The following ARHGEF7 variants were observed in gnomAD, a reference collection of about 807,000 sequenced individuals.
The protein encoded by ARHGEF7 is PAK-interacting exchange factor beta.
Under a neutral mutation model 109.8 loss-of-function variants are expected in ARHGEF7, and 33 were observed. The ratio of observed to expected loss-of-function variants is 0.30; its 90% CI spans 0.23 to 0.40. The LOEUF (loss-of-function observed/expected upper bound fraction) is 0.40, where lower values mean the gene tolerates loss of function less well. Ranked by LOEUF, ARHGEF7 falls within the 10% of genes least tolerant of loss-of-function variation. ARHGEF7 has a pLI of 1.00. For synonymous variants in ARHGEF7, 458 were observed against 424.6 expected, an observed-to-expected ratio of 1.08 and a Z score of -0.97; for missense variants, 938 against 1,098.5, an observed-to-expected ratio of 0.85 and a Z score of 2.07.
intron 3 of ARHGEF7, among the ~76,000 whole-genome samples, chr13:111,205,931 C>T (rs1049321305): frequency 3.3e-5 from 5 of 151,852 alleles, no homozygotes; most frequent in Admixed American, 6.6e-5. Context: ...TGGGCCACAG[C>T]GAAGACAGGA....
At chr13:111,199,548 G>A (rs1361064478) in intron 2 of ARHGEF7, among the ~76,000 whole-genome samples, 1 of 152,132 alleles carries the variant, frequency 6.6e-6, no homozygotes, top group Non-Finnish European at 1.5e-5. Flanking sequence ...ATGCTTGCTG[G>A]TGACCAGCCG....
At chr13:111,300,672 G>T in intron 19 of ARHGEF7, 76 bp from the exon 20 acceptor site, 1 of 952,940 alleles carries the variant, frequency 1.0e-6, no homozygotes. Context: ...AAGTGACATG[G>T]TATAGTCAAG....
intron 2 of ARHGEF7, among the ~76,000 whole-genome samples, chr13:111,181,065 C>T (rs975985503): frequency 6.6e-6 from 1 of 152,200 alleles, no homozygotes; most frequent in Non-Finnish European, 1.5e-5. Flanking sequence ...ATTTGAGTAG[C>T]TCCTGTCCCT....
At chr13:111,206,235 G>C (rs77643661) in intron 3 of ARHGEF7, among the ~76,000 whole-genome samples, 21 of 151,710 alleles carry the variant, frequency 1.4e-4, no homozygotes, top group Admixed American at 3.3e-4. Context: ...CCCTTCAGAG[G>C]GGGGGGTGTA....
intron 1 of ARHGEF7, among the ~76,000 whole-genome samples, chr13:111,119,166 G>A (rs1477614889): frequency 6.6e-6 from 1 of 152,186 alleles, no homozygotes; most frequent in Non-Finnish European, 1.5e-5. Flanking sequence ...TTTCTTCTCT[G>A]TGTCCAAATT....
At chr13:111,260,710 A>T (rs1359495583) in intron 8 of ARHGEF7, among the ~76,000 whole-genome samples, 1 of 152,242 alleles carries the variant, frequency 6.6e-6, no homozygotes, top group African/African-American at 2.4e-5. Context: ...AGAATACAGA[A>T]TAGTATAACA....
intron 8 of ARHGEF7, among the ~76,000 whole-genome samples, chr13:111,253,361 G>A (rs2090023392): frequency 6.6e-6 from 1 of 152,136 alleles, no homozygotes; most frequent in Non-Finnish European, 1.5e-5. Context: ...TGATAAGTTG[G>A]GAATTTGCTT....
At chr13:111,115,727 G>C (rs780999791) in intron 1 of ARHGEF7, 36 bp downstream of exon 1, 1 of 1,113,676 alleles carries the variant, frequency 9.0e-7, no homozygotes, top group Non-Finnish European at 1.1e-6. Flanking sequence ...CGCGCCCCCC[G>C]GTCCGGCCCG....
intron 16 of ARHGEF7, 96 bp downstream of exon 16, chr13:111,283,459 T>G: frequency 6.8e-7 from 1 of 1,468,964 alleles, no homozygotes; most frequent in Non-Finnish European, 9.0e-7. Flanking sequence ...TACAGCAAAA[T>G]GCACCCTAAC....
At position 111,258,879 on chromosome 13, in the gene ARHGEF7, C is replaced by CA. The variant is rs1019671845; in HGVS notation, c.951-8668dup. 6.6e-6 allele frequency among the ~76,000 whole-genome samples: 1 copy of CA among 151,782 alleles called. No individual in the cohort carries two copies. The highest frequency in any genetic ancestry group is 2.4e-5 in the African/African-American group (1 of 41,284). ...GAAAGGAGAGTCTCAGGCCTGGTGG[C>CA]ATTCACCACAAACTGACTGAAGAGT... On this transcript the variant is annotated intron_variant, in intron 8 of 21. Coordinates refer to ENST00000646102, the MANE Select transcript of ARHGEF7 (RefSeq NM_001354046.2). This position sits in a 1 kb window ranked among gnomAD's most constrained non-coding sequence, Gnocchi z 4.4.
In ARHGEF7 at chr13:111,154,134, T is replaced by G. The variant is rs1478602073; in HGVS notation, c.252+143T>G. On this transcript the variant is annotated intron_variant, in intron 2 of 21. Coordinates refer to ENST00000646102, the MANE Select transcript of ARHGEF7 (RefSeq NM_001354046.2). Reference sequence around the variant, plus strand: ...CGGCTGCTCGAGAGTCCGGGATGTGTGGAACGGGGCGTTGCGGGTTTGGGT... The same window carrying G: ...CGGCTGCTCGAGAGTCCGGGATGTGGGGAACGGGGCGTTGCGGGTTTGGGT... 4.4e-6 allele frequency: 4 copies of G among 901,862 alleles called. No individual in the cohort carries two copies. The South Asian group carries it at 7.4e-5, about 17-fold the overall frequency. The allele number at this position is 901,862 out of a possible 1,614,324, so 55.9% of individuals were successfully genotyped here. A position where few individuals can be genotyped will look rare whatever the true frequency, so the allele number is the denominator to read the frequency against.
intron 3 of ARHGEF7, among the ~76,000 whole-genome samples, chr13:111,207,165 G>C (rs1257401321): frequency 6.6e-6 from 1 of 152,070 alleles, no homozygotes; most frequent in Non-Finnish European, 1.5e-5. Flanking sequence ...CCATGCCTCA[G>C]AGTTTTGAAT....
chr13:111,168,665 A>C (rs191389534), intron 2 of ARHGEF7, among the ~76,000 whole-genome samples: 196 of 152,354 alleles, frequency 1.3e-3, no homozygotes, highest in Non-Finnish European at 2.2e-3. Flanking sequence ...TCCCACCCCC[A>C]GAAAAAAATC....
At chr13:111,156,211 AAG>A (rs10580603) in intron 2 of ARHGEF7, among the ~76,000 whole-genome samples, 117,575 of 151,974 alleles carry the variant, frequency 0.77, 46,749 homozygotes, top group South Asian at 0.92. Context: ...GGTTTTCTGG[AAG>A]AGAGTTTTCA....
chr13:111,303,204 GCA>G lies in ARHGEF7; in HGVS notation c.*92_*93del. 4 of 998,054 alleles carry G rather than the reference GCA, an allele frequency of 4.0e-6. No individual in the cohort carries two copies. Among genetic ancestry groups the G allele is most frequent in the Non-Finnish European group, 5.6e-6 (4 of 709,184 alleles). 61.8% of individuals were successfully genotyped at this position (998,054 alleles called of 1,614,324 possible). On this transcript the variant is annotated 3_prime_UTR_variant, in exon 22 of 22. Transcript: ENST00000646102. The stretch of plus-strand genomic sequence containing the variant: ...GTCGGGGTGCACTCAGGACCACAGG[GCA>G]GGGCTGGGTGGGGCGCCACCTTGCT...
chr13:111,263,299 A>G (rs2091294816), intron 8 of ARHGEF7, among the ~76,000 whole-genome samples: 1 of 152,230 alleles, frequency 6.6e-6, no homozygotes, highest in South Asian at 2.1e-4. Flanking sequence ...CTGGGACTGA[A>G]AGAGGTAATA....
chr13:111,295,223 G>A, intron 19 of ARHGEF7: 1 of 984,538 alleles, frequency 1.0e-6, no homozygotes, highest in African/African-American at 1.7e-5. Context: ...GTTACATGGG[G>A]GAGGGGAATA....
chr13:111,269,404 A>G (rs1452220750), intron 9 of ARHGEF7, among the ~76,000 whole-genome samples: 2 of 152,230 alleles, frequency 1.3e-5, no homozygotes, highest in Non-Finnish European at 2.9e-5. Context: ...TAGTTTCCTA[A>G]AATGCGAAGC....
intron 8 of ARHGEF7, 73 bp from the exon 9 acceptor site, chr13:111,267,473 TTA>T: frequency 1.3e-6 from 2 of 1,583,986 alleles, no homozygotes; most frequent in East Asian, 4.5e-5. Context: ...ACTCAGAGTA[TTA>T]TATGTCTGTC....
Sources: allele counts gnomAD v4.1 joint callset (sites outside exome capture counted in the v4.1 genomes callset), GRCh38; gene constraint gnomAD v4.1.1; non-coding constraint Gnocchi (gnomAD v3.1); transcripts MANE v1.5; gene names NCBI Gene and HGNC (gene_info 2026-07-23, HGNC 2026-07-21).